Variants in RASA2 observed in about 807,000 individuals in gnomAD.
The protein encoded by RASA2 is ras GTPase-activating protein 2.
Under a neutral mutation model 118.2 loss-of-function variants are expected in RASA2, and 155 were observed. The ratio of observed to expected loss-of-function variants is 1.31; its 90% CI spans 1.15 to 1.50. RASA2 has a LOEUF of 1.50. Among genes scored for constraint, RASA2 ranks in the 40% most tolerant of loss-of-function variants. The pLI is 0.00. For missense variants in RASA2, 1,016 were observed against 1,009.6 expected, an observed-to-expected ratio of 1.01 and a Z score of -0.09; for synonymous variants, 353 against 349.1, an observed-to-expected ratio of 1.01 and a Z score of -0.12.
chr3:141,568,400 G>A (rs939786699), intron 9 of RASA2, among the ~76,000 whole-genome samples: 4 of 151,848 alleles, frequency 2.6e-5, no homozygotes, highest in African/African-American at 9.7e-5. Context: ...TAAGCATGAA[G>A]AAAATAGAGA....
At chr3:141,573,343 G>A in intron 13 of RASA2, 122 bp downstream of exon 13, 1 of 1,046,302 alleles carries the variant, frequency 9.6e-7, no homozygotes, top group South Asian at 2.5e-5. Context: ...CTTCACATAA[G>A]CCTTTATTAT....
At chr3:141,512,020 C>T in intron 1 of RASA2, 143 bp from the exon 2 acceptor site, 1 of 609,966 alleles carries the variant, frequency 1.6e-6, no homozygotes, top group Non-Finnish European at 2.8e-6. Context: ...TTTAGACCAG[C>T]TTGATCTTTC....
chr3:141,508,370 T>G (rs1000116653), intron 1 of RASA2, among the ~76,000 whole-genome samples: 3 of 151,670 alleles, frequency 2.0e-5, no homozygotes, highest in African/African-American at 7.3e-5. Flanking sequence ...ATATTAGTGG[T>G]TTTTTGGGTT....
At chr3:141,564,235 C>G (rs2082782633) in intron 9 of RASA2, among the ~76,000 whole-genome samples, 1 of 151,964 alleles carries the variant, frequency 6.6e-6, no homozygotes, top group African/African-American at 2.4e-5. Flanking sequence ...GGATGTCATA[C>G]CCCTCCCTCA....
chr3:141,573,240 A>G lies in RASA2; in HGVS notation c.1359+19A>G, dbSNP rs2082952891. The G allele has an allele frequency of 6.5e-7, 1 of 1,531,482 alleles. No individual in the cohort carries two copies. The highest frequency in any genetic ancestry group is 8.7e-7 in the Non-Finnish European group (1 of 1,149,306). The allele number at this position is 1,531,482 out of a possible 1,614,324, so 94.9% of individuals were successfully genotyped here. ...TAATAAGGTAAGTCCTTGTTATATT[A>G]TTTATAATTGCATTAAAATTGGTCT... On this transcript the variant is annotated intron_variant, in intron 13 of 23. Coordinates refer to ENST00000286364, the MANE Select transcript of RASA2 (RefSeq NM_006506.5).
rs1422235701 is a variant in RASA2, at chr3:141,581,115, A to G, written c.1690A>G (p.Thr564Ala). The G allele has an allele frequency of 7.8e-6, 12 of 1,537,878 alleles. No individual in the cohort carries two copies. Among genetic ancestry groups the G allele is most frequent in the Non-Finnish European group, 1.0e-5 (12 of 1,150,420 alleles). ...LSKSKSSFKE[T>A]FMCEFFKMFQ... ...TTTTTCTTAGTCAAGTTTCAAAGAG[A>G]CATTCATGTGTGAATTTTTCAAAAT... is the stretch of plus-strand genomic sequence containing the variant. Residue 564 changes from threonine (T) to alanine (A), a missense_variant, in exon 17 of 24, where the codon ACA becomes GCA. This residue lies in a region of RASA2 where 896 missense variants were observed against 836.4 expected (regional missense o/e 1.07). Coordinates refer to ENST00000286364, the MANE Select transcript of RASA2 (RefSeq NM_006506.5).
intron 3 of RASA2, among the ~76,000 whole-genome samples, chr3:141,524,715 C>G (rs567304422): frequency 2.0e-5 from 3 of 152,022 alleles, no homozygotes; most frequent in Non-Finnish European, 4.4e-5. Flanking sequence ...CTCAGCCTCC[C>G]GAGTAGCTGG....
chr3:141,497,093 C>T (rs2081713352), intron 1 of RASA2, among the ~76,000 whole-genome samples: 1 of 146,670 alleles, frequency 6.8e-6, no homozygotes, highest in Admixed American at 7.1e-5. Context: ...CATGTTCTCA[C>T]TCATAGGTGG....
intron 5 of RASA2, among the ~76,000 whole-genome samples, chr3:141,550,913 A>G (rs1335654906): frequency 6.6e-6 from 1 of 152,180 alleles, no homozygotes; most frequent in South Asian, 2.1e-4. Flanking sequence ...AGTCTTAGCA[A>G]ATGTTTAATT....
chr3:141,489,981 T>G (rs1388253134), intron 1 of RASA2, among the ~76,000 whole-genome samples: 12 of 150,948 alleles, frequency 7.9e-5, no homozygotes, highest in Non-Finnish European at 1.0e-4. Flanking sequence ...TTTTTTTTTT[T>G]GCCGGGGGGC....
At chr3:141,519,256 C>T (rs1022358141) in intron 3 of RASA2, among the ~76,000 whole-genome samples, 5 of 152,098 alleles carry the variant, frequency 3.3e-5, no homozygotes, top group African/African-American at 1.2e-4. Flanking sequence ...TTTTACCACC[C>T]CCTGGCCATT....
chr3:141,590,879 A>C (rs1316000709), intron 19 of RASA2, among the ~76,000 whole-genome samples: 1 of 152,214 alleles, frequency 6.6e-6, no homozygotes, highest in Non-Finnish European at 1.5e-5. Flanking sequence ...TTTCTTCAAT[A>C]AGTTTTTAAA....
At chr3:141,612,013 T>TA (rs1190640306) in intron 23 of RASA2, among the ~76,000 whole-genome samples, 3 of 152,192 alleles carry the variant, frequency 2.0e-5, no homozygotes, top group Non-Finnish European at 4.4e-5. Flanking sequence ...CTAAATATCT[T>TA]ATTAATTTTA....
intron 5 of RASA2, among the ~76,000 whole-genome samples, chr3:141,550,030 A>G (rs2082549800): frequency 6.6e-6 from 1 of 152,216 alleles, no homozygotes; most frequent in African/African-American, 2.4e-5. Flanking sequence ...GGTAGGGAGA[A>G]AGGACTGATT....
chr3:141,488,125 A>G (rs2081600991), intron 1 of RASA2, among the ~76,000 whole-genome samples: 1 of 152,076 alleles, frequency 6.6e-6, no homozygotes, highest in Admixed American at 6.5e-5. Flanking sequence ...TGTCATTTGA[A>G]CATTTTAGTT....
chr3:141,556,259 C>T (rs755975605), intron 7 of RASA2, among the ~76,000 whole-genome samples: 1 of 152,172 alleles, frequency 6.6e-6, no homozygotes, highest in Non-Finnish European at 1.5e-5. Context: ...TTGACAGTCA[C>T]TAGTGAAGTA....
chr3:141,590,064 T>C, intron 19 of RASA2: 2 of 452,448 alleles, frequency 4.4e-6, no homozygotes, highest in Non-Finnish European at 8.9e-6. Flanking sequence ...TTCCATGCTT[T>C]TTGTTTTAAC....
chr3:141,606,001 A>C (rs2083542649), intron 19 of RASA2, among the ~76,000 whole-genome samples: 1 of 152,130 alleles, frequency 6.6e-6, no homozygotes. Flanking sequence ...GCCTGTGAAT[A>C]TATGCCTCTG....
intron 1 of RASA2, among the ~76,000 whole-genome samples, chr3:141,490,478 C>T (rs979296182): frequency 6.6e-6 from 1 of 151,896 alleles, no homozygotes. Flanking sequence ...TATCCAATTA[C>T]ATTAGATTGT....
Sources: allele counts gnomAD v4.1 joint callset (sites outside exome capture counted in the v4.1 genomes callset), GRCh38; gene constraint gnomAD v4.1.1; regional missense constraint gnomAD v4.1.1; transcripts MANE v1.5; gene names NCBI Gene and HGNC (gene_info 2026-07-23, HGNC 2026-07-21).